Variants in DPP6 observed in about 807,000 individuals in gnomAD.
The protein encoded by DPP6 is dipeptidyl peptidase like 6, also known as A-type potassium channel modulatory protein DPP6.
DPP6 carries 69 observed loss-of-function variants against 122.6 expected under a neutral mutation model. The observed-to-expected ratio is 0.56, with a 90% CI of 0.46 to 0.69. The LOEUF is 0.69. Among genes scored for constraint, DPP6 ranks in the 30% least tolerant of loss-of-function variants. DPP6 has a pLI of 0.00. For synonymous variants in DPP6, 418 were observed against 433.1 expected (o/e 0.97, Z 0.43); for missense variants, 928 against 1,116.9 (o/e 0.83, Z 2.41).
intron 1 of DPP6, among the ~76,000 whole-genome samples, chr7:153,961,770 A>AT (rs1379224484): frequency 5.6e-5 from 6 of 107,578 alleles, no homozygotes; most frequent in Non-Finnish European, 8.8e-5. Flanking sequence ...ATCATCAGGC[A>AT]TTGGATTCTC....
intron 8 of DPP6, among the ~76,000 whole-genome samples, chr7:154,732,764 A>G (rs113726786): frequency 0.013 from 1,959 of 152,276 alleles, 53 homozygotes; most frequent in African/African-American, 0.045. Context: ...GAAAAATGTG[A>G]TCAGATCAGG....
chr7:154,586,708 T>A (rs1423933428), intron 5 of DPP6, among the ~76,000 whole-genome samples: 1 of 152,198 alleles, frequency 6.6e-6, no homozygotes, highest in Non-Finnish European at 1.5e-5. Context: ...TACTTGCCAC[T>A]AAACGAGTCC....
chr7:153,970,360 A>G (rs779300548), intron 1 of DPP6, among the ~76,000 whole-genome samples: 24 of 152,160 alleles, frequency 1.6e-4, no homozygotes, highest in Non-Finnish European at 2.6e-4. Flanking sequence ...TTGCCTTCCT[A>G]TTATTGAATT....
At chr7:154,517,960 A>G (rs1291457268) in intron 3 of DPP6, among the ~76,000 whole-genome samples, 1 of 152,196 alleles carries the variant, frequency 6.6e-6, no homozygotes, top group Non-Finnish European at 1.5e-5. Flanking sequence ...TACCGGCTCC[A>G]CCGATAGCTA....
intron 7 of DPP6, among the ~76,000 whole-genome samples, chr7:154,712,748 C>T (rs1841263158): frequency 6.6e-6 from 1 of 152,230 alleles, no homozygotes; most frequent in Non-Finnish European, 1.5e-5. Flanking sequence ...CCTGGTCCGT[C>T]TGAAGACACA....
chr7:154,688,251 T>A (rs1172356994), intron 7 of DPP6, among the ~76,000 whole-genome samples: 1 of 152,206 alleles, frequency 6.6e-6, no homozygotes, highest in Non-Finnish European at 1.5e-5. Flanking sequence ...TGAACTGCAT[T>A]AAGTCTATAT....
chr7:154,560,297 C>G (rs181184063), intron 4 of DPP6, among the ~76,000 whole-genome samples: 47 of 152,234 alleles, frequency 3.1e-4, no homozygotes, highest in African/African-American at 1.0e-3. Context: ...TCATGTAAGA[C>G]TTCTGTCTGA....
At chr7:154,044,402 T>C (rs969324429) in intron 1 of DPP6, among the ~76,000 whole-genome samples, 1 of 152,204 alleles carries the variant, frequency 6.6e-6, no homozygotes, top group Non-Finnish European at 1.5e-5. Context: ...TTTGTTTTCA[T>C]TAATGAGAAC....
intron 1 of DPP6, among the ~76,000 whole-genome samples, chr7:154,324,332 G>T (rs1382337249): frequency 6.6e-6 from 1 of 152,126 alleles, no homozygotes; most frequent in South Asian, 2.1e-4. Flanking sequence ...GTGTTTGCTT[G>T]TGCGCTCCCC....
chr7:154,118,171 C>T (rs1807136855), intron 1 of DPP6, among the ~76,000 whole-genome samples: 1 of 150,858 alleles, frequency 6.6e-6, no homozygotes, highest in Admixed American at 6.6e-5. Flanking sequence ...AGATCTACAG[C>T]TCCTCCTAGA....
chr7:153,845,848 T>G, the DPP6 span, among the ~76,000 whole-genome samples: 1 of 152,200 alleles, frequency 6.6e-6, no homozygotes, highest in East Asian at 1.9e-4. Context: ...CTAATCATAT[T>G]CATCCCTCTC....
In DPP6 at chr7:154,795,791, AAAAAAG is replaced by A. The variant is rs1449037302; in HGVS notation, c.1261-49_1261-44del. 9.6e-5 allele frequency: 136 copies of A among 1,422,424 alleles called. 1 individual carries two copies. The South Asian group carries it at 1.1e-3, about 12-fold the overall frequency. The allele number at this position is 1,422,424 out of a possible 1,614,324, so 88.1% of individuals were successfully genotyped here. ...TCACAGACACAATACATGCAAAAAA[AAAAAAG>A]AAAAGAAAAGAAAAACCCTCTTGTC... On this transcript the variant is annotated intron_variant, in intron 11 of 25. Coordinates refer to ENST00000377770, the MANE Select transcript of DPP6 (RefSeq NM_130797.4).
chr7:154,006,801 G>A lies in DPP6; in HGVS notation c.51+119067G>A, dbSNP rs372938083. ...AGCCCTCGATAACTAATTGTTTGCT[G>A]TAATTATTAATGGTCACCCCACATA... is the stretch of plus-strand genomic sequence containing the variant. On this transcript the variant is annotated intron_variant, in intron 1 of 25. Coordinates refer to the DPP6 transcript ENST00000404039. Among the ~76,000 whole-genome samples, 19 of 152,368 alleles carry A rather than the reference G, an allele frequency of 1.2e-4. No individual in the cohort carries two copies. In the East Asian group the frequency reaches 3.7e-3, roughly 29 times the overall value.
At chr7:153,749,179 G>T in the DPP6 span, among the ~76,000 whole-genome samples, 3 of 151,270 alleles carry the variant, frequency 2.0e-5, no homozygotes, top group African/African-American at 7.3e-5. The surrounding 1 kb of genome is among the most constrained non-coding windows in gnomAD (Gnocchi z 4.1). Context: ...GGCGGATCGC[G>T]GGGGTTGAGA....
intron 1 of DPP6, among the ~76,000 whole-genome samples, chr7:154,301,022 A>G (rs1296241495): frequency 6.6e-6 from 1 of 152,194 alleles, no homozygotes; most frequent in Non-Finnish European, 1.5e-5. Flanking sequence ...ATGGTGGTTT[A>G]GGGTCTAGAC....
At chr7:154,621,863 A>G (rs1834705113) in intron 5 of DPP6, among the ~76,000 whole-genome samples, 1 of 152,132 alleles carries the variant, frequency 6.6e-6, no homozygotes, top group Admixed American at 6.5e-5. Context: ...ACACTGGCAC[A>G]TGAGTCCATA....
Position 154,053,114 on chromosome 7 carries a change from G to T in DPP6, c.243+51G>T, listed in dbSNP as rs1382997248. Reference sequence around the variant, plus strand: ...CGGCGGCGGGTTCTCCGGGCTGAGCGCGCAGCGAGACGCGTCGGCAGGGGA... The same window carrying T: ...CGGCGGCGGGTTCTCCGGGCTGAGCTCGCAGCGAGACGCGTCGGCAGGGGA... On this transcript the variant is annotated intron_variant, in intron 1 of 25. Coordinates refer to ENST00000377770, the MANE Select transcript of DPP6 (RefSeq NM_130797.4). The T allele has an allele frequency of 8.6e-6, 9 of 1,046,328 alleles. No homozygotes were observed. In the African/African-American group the frequency reaches 1.5e-4, roughly 18 times the overall value. 64.8% of individuals were successfully genotyped at this position (1,046,328 alleles called of 1,614,324 possible). A position where few individuals can be genotyped will look rare whatever the true frequency, so the allele number is the denominator to read the frequency against.
chr7:153,878,717 T>C, the DPP6 span, among the ~76,000 whole-genome samples: 3 of 152,134 alleles, frequency 2.0e-5, no homozygotes, highest in African/African-American at 7.2e-5. Flanking sequence ...CACTTTGAGA[T>C]AAGTTATTAA....
upstream of DPP6, among the ~76,000 whole-genome samples, chr7:153,885,377 C>CTA (rs1248593088): frequency 6.6e-6 from 1 of 151,938 alleles, no homozygotes; most frequent in Non-Finnish European, 1.5e-5. Flanking sequence ...GAAACCTAAC[C>CTA]CCAGGGTGAT....
Sources: gnomAD v4.1 joint callset for allele counts (sites outside exome capture counted in the v4.1 genomes callset) on GRCh38, gnomAD v4.1.1 for gene constraint, Gnocchi (gnomAD v3.1) non-coding constraint, MANE v1.5 for transcripts, NCBI Gene and HGNC (gene_info 2026-07-23, HGNC 2026-07-21) for gene names.